The following CFAP47 variants were observed in gnomAD, a reference collection of about 807,000 sequenced individuals.
CFAP47 encodes cilia- and flagella-associated protein 47.
CFAP47 carries 29 observed loss-of-function variants against 148.1 expected under a neutral mutation model. That is an observed-to-expected ratio of 0.20 (90% confidence interval 0.15 to 0.27). The LOEUF is 0.27. Ranked by LOEUF, CFAP47 falls within the 10% of genes least tolerant of loss-of-function variation. The probability of loss-of-function intolerance (pLI) is 1.00; values close to 1 mark genes in which losing one functional copy is unlikely to be tolerated. For synonymous variants in CFAP47, 664 were observed against 577.3 expected, an observed-to-expected ratio of 1.15 and a Z score of -2.15; for missense variants, 1,872 against 1,697.5, an observed-to-expected ratio of 1.10 and a Z score of -1.81.
intron 49 of CFAP47, among the ~76,000 whole-genome samples, chrX:36,257,058 G>A (rs782012058): frequency 1.7e-3 from 189 of 112,347 alleles, no homozygotes; most frequent in Non-Finnish European, 2.9e-3. Flanking sequence ...ATTTTTTAAA[G>A]CCTTAGTATA....
Position 35,966,292 on chromosome X carries a change from T to G in CFAP47, c.1411-273T>G. Among the ~76,000 whole-genome samples the G allele has an allele frequency of 1.8e-5, 2 of 112,960 alleles. 1 individual carries two copies. The highest frequency in any genetic ancestry group is 6.3e-5 in the African/African-American group (2 of 31,677). On this transcript the variant is annotated intron_variant, in intron 8 of 63. Coordinates refer to ENST00000378653, the MANE Select transcript of CFAP47 (RefSeq NM_001304548.2). ...ATTTAAGAAATATTAGCTGCTAATATTTAAGAAATATTAGCTGCTAATATT... is the reference window on the plus strand; with the variant it reads ...ATTTAAGAAATATTAGCTGCTAATAGTTAAGAAATATTAGCTGCTAATATT...
chrX:35,998,421 A>G (rs1936873674), intron 19 of CFAP47, among the ~76,000 whole-genome samples: 1 of 111,338 alleles, frequency 9.0e-6, no homozygotes, highest in African/African-American at 3.3e-5. Flanking sequence ...GACATTTATA[A>G]GGTATTACAG....
intron 28 of CFAP47, 110 bp from the exon 29 acceptor site, chrX:36,073,029 A>G: frequency 2.0e-6 from 1 of 497,946 alleles, no homozygotes; most frequent in Non-Finnish European, 3.4e-6. Flanking sequence ...GAGAGCATAG[A>G]ATAATTTGTA....
chrX:36,345,061 G>A (rs782713034), intron 57 of CFAP47, among the ~76,000 whole-genome samples: 2 of 111,711 alleles, frequency 1.8e-5, no homozygotes, highest in South Asian at 7.4e-4. Flanking sequence ...CAAAGGAGTA[G>A]GTTGGGTTCA....
At chrX:36,030,754 T>C (rs1937270872) in intron 22 of CFAP47, among the ~76,000 whole-genome samples, 1 of 110,860 alleles carries the variant, frequency 9.0e-6, no homozygotes, top group African/African-American at 3.3e-5. Flanking sequence ...TCTTCTCTAA[T>C]GCAGTGAGTA....
Position 36,056,329 on chromosome X carries a change from A to T in CFAP47, c.4217+9266A>T, listed in dbSNP as rs753950243. 5.4e-4 allele frequency among the ~76,000 whole-genome samples: 60 copies of T among 112,142 alleles called. 1 individual carries two copies. The highest frequency in any genetic ancestry group is 9.3e-3 in the Middle Eastern group (2 of 215). ...ATGAATAAGAATTGGCTATGAGCAA[A>T]ATTGACCAAGAAGGGCATTTCATAT... On this transcript the variant is annotated intron_variant, in intron 26 of 63. Coordinates refer to ENST00000378653, the MANE Select transcript of CFAP47 (RefSeq NM_001304548.2).
intron 33 of CFAP47, among the ~76,000 whole-genome samples, chrX:36,111,156 T>C (rs368126319): frequency 2.7e-5 from 3 of 111,413 alleles, no homozygotes; most frequent in Non-Finnish European, 5.7e-5. Flanking sequence ...ATAGGACTAG[T>C]GAGAGGGCAT....
intron 22 of CFAP47, among the ~76,000 whole-genome samples, chrX:36,015,595 G>T (rs1171155506): frequency 9.0e-6 from 1 of 111,256 alleles, no homozygotes. Context: ...TAGTAAGAGA[G>T]GTCTCACGAA....
intron 48 of CFAP47, 111 bp downstream of exon 48, chrX:36,236,970 A>C: frequency 2.4e-6 from 1 of 413,812 alleles, no homozygotes; most frequent in Non-Finnish European, 4.3e-6. Flanking sequence ...TAATCAGTTG[A>C]AGCAATGTCA....
intron 49 of CFAP47, among the ~76,000 whole-genome samples, chrX:36,261,320 C>CTTTT (rs143068749): frequency 0.04 from 811 of 20,458 alleles, 138 homozygotes; most frequent in African/African-American, 0.081. Flanking sequence ...AGATACTATT[C>CTTTT]TTTTTTTTTT....
intron 39 of CFAP47, among the ~76,000 whole-genome samples, chrX:36,170,799 T>A (rs1164472814): frequency 7.4e-5 from 8 of 108,700 alleles, no homozygotes; most frequent in Non-Finnish European, 1.5e-4. Flanking sequence ...TATAGTCCTT[T>A]GGGTATATAC....
At chrX:36,350,341 T>G (rs1941733426) in intron 59 of CFAP47, among the ~76,000 whole-genome samples, 1 of 111,691 alleles carries the variant, frequency 9.0e-6, no homozygotes, top group African/African-American at 3.3e-5. Flanking sequence ...TTCCTGTTGG[T>G]GAAATGCAGA....
At chrX:36,095,904 C>T (rs945286138) in intron 30 of CFAP47, among the ~76,000 whole-genome samples, 1 of 110,839 alleles carries the variant, frequency 9.0e-6, no homozygotes, top group Non-Finnish European at 1.9e-5. Context: ...TTTGGGATTT[C>T]GCTTGCTCTT....
At chrX:36,095,880 T>G (rs1459907090) in intron 30 of CFAP47, among the ~76,000 whole-genome samples, 1 of 111,716 alleles carries the variant, frequency 9.0e-6, no homozygotes, top group Admixed American at 9.5e-5. Context: ...TGATAATTTC[T>G]TTTCTTCTAT....
intron 62 of CFAP47, among the ~76,000 whole-genome samples, chrX:36,373,788 T>G (rs1327464275): frequency 8.9e-6 from 1 of 112,092 alleles, no homozygotes; most frequent in African/African-American, 3.2e-5. Context: ...GAAATGATGT[T>G]AAACTTTACC....
intron 30 of CFAP47, among the ~76,000 whole-genome samples, chrX:36,093,276 C>T (rs1938217062): frequency 9.0e-6 from 1 of 111,074 alleles, no homozygotes; most frequent in African/African-American, 3.3e-5. Flanking sequence ...ATATACCCAG[C>T]AAGGGGATTG....
chrX:36,160,561 G>A, intron 38 of CFAP47, 120 bp from the exon 39 acceptor site: 4 of 266,930 alleles, frequency 1.5e-5, no homozygotes, highest in Non-Finnish European at 2.6e-5. Flanking sequence ...TTGATAGTGG[G>A]AAGTACTGTC....
intron 40 of CFAP47, among the ~76,000 whole-genome samples, chrX:36,179,654 AGTT>A (rs1415994844): frequency 7.1e-5 from 8 of 112,052 alleles, no homozygotes; most frequent in Non-Finnish European, 1.3e-4. Flanking sequence ...TATTTGTGGT[AGTT>A]ATGTTCTATA....
intron 2 of CFAP47, among the ~76,000 whole-genome samples, chrX:35,937,206 G>T (rs190527843): frequency 9.7e-6 from 1 of 103,186 alleles, no homozygotes; most frequent in East Asian, 3.1e-4. Flanking sequence ...TCTTCTGCAG[G>T]ATCTCAGGCC....
Sources: allele counts gnomAD v4.1 joint callset (sites outside exome capture counted in the v4.1 genomes callset), GRCh38; gene constraint gnomAD v4.1.1; transcripts MANE v1.5; gene names NCBI Gene and HGNC (gene_info 2026-07-23, HGNC 2026-07-21).